The following VPS13D variants were observed in gnomAD, a reference collection of about 807,000 sequenced individuals.
The protein encoded by VPS13D is intermembrane lipid transfer protein VPS13D.
A neutral mutation model predicts 461.9 loss-of-function variants in VPS13D; 187 were observed. That is an observed-to-expected ratio of 0.40 (90% CI 0.36 to 0.46). The LOEUF (loss-of-function observed/expected upper bound fraction) is 0.46. Among genes scored for constraint, VPS13D ranks in the 20% least tolerant of loss-of-function variants. The probability of loss-of-function intolerance (pLI) is 0.60; values close to 1 mark genes in which losing one functional copy is unlikely to be tolerated. For missense variants in VPS13D, 4,711 were observed against 5,364.9 expected, an observed-to-expected ratio of 0.88 and a Z score of 3.81; for synonymous variants, 1,951 against 1,986.3, an observed-to-expected ratio of 0.98 and a Z score of 0.47.
chr1:12,357,001 C>G (rs74827719), intron 49 of VPS13D, among the ~76,000 whole-genome samples: 1 of 152,286 alleles, frequency 6.6e-6, no homozygotes, highest in East Asian at 1.9e-4. Context: ...ATTTTATGGT[C>G]TCAGAGCACT....
At chr1:12,293,493 A>G (rs777366444) in intron 23 of VPS13D, 31 bp from the exon 24 acceptor site, 1 of 1,553,988 alleles carries the variant, frequency 6.4e-7, no homozygotes, top group South Asian at 1.2e-5. Flanking sequence ...TCTTGCTGTT[A>G]TCTGAGTCAC....
chr1:12,281,342 G>T (rs528076955), intron 20 of VPS13D, among the ~76,000 whole-genome samples: 2 of 152,158 alleles, frequency 1.3e-5, no homozygotes, highest in Non-Finnish European at 2.9e-5. Context: ...GTGATACATT[G>T]TGTAGGTCTC....
chr1:12,292,262 C>CAAAAAAAAAAAAAA (rs766212937), intron 23 of VPS13D, among the ~76,000 whole-genome samples: 2 of 12,246 alleles, frequency 1.6e-4, no homozygotes, highest in African/African-American at 3.5e-4. Context: ...AACTCCATCT[C>CAAAAAAAAAAAAAA]AAAAAAAAAA....
chr1:12,388,102 A>T (rs562183958), intron 60 of VPS13D, among the ~76,000 whole-genome samples: 2 of 152,332 alleles, frequency 1.3e-5, no homozygotes, highest in Admixed American at 6.5e-5. Flanking sequence ...TAAGAGTGAG[A>T]TTCTTATCAA....
chr1:12,333,374 G>GA lies in VPS13D; in HGVS notation c.8428+11dup. ...TCACTTCTGTGCTAATTGGTGAGTA[G>GA]AAAGTTGTCTTTCATAGACTGATAC... On this transcript the variant is annotated intron_variant, in intron 38 of 69. Transcript: ENST00000620676. The GA allele has an allele frequency of 6.2e-7, 1 of 1,613,838 alleles. No individual in the cohort carries two copies. The highest frequency in any genetic ancestry group is 1.3e-5 in the African/African-American group (1 of 75,024).
intron 65 of VPS13D, among the ~76,000 whole-genome samples, chr1:12,417,387 G>A (rs146657756): frequency 3.9e-4 from 59 of 152,282 alleles, no homozygotes; most frequent in African/African-American, 1.3e-3. Flanking sequence ...TGTATTTTCT[G>A]GCAGGAATTG....
rs1005357720 is a variant in VPS13D at position 12,372,379 on chromosome 1, T to C, written c.10809-1371T>C. Among the ~76,000 whole-genome samples the C allele has an allele frequency of 3.9e-5, 6 of 152,254 alleles. No homozygotes were observed. In the East Asian group the frequency reaches 9.7e-4, roughly 25 times the overall value. On this transcript the variant is annotated intron_variant, in intron 54 of 69. Transcript: ENST00000620676. ...TGCCAGGCCTGGTTTTGTTTTGTTT[T>C]GTTTTGTTTTAAATGATACCCATCC...
rs140057110 is a variant in VPS13D at position 12,482,233 on chromosome 1, G to C, written c.12663-15267G>C. Reference sequence around the variant, plus strand: ...GGGAGACGAGGCATAGATAGTAATGGTCAACTGATGGCCCTTTACTCTTGA... The same window carrying C: ...GGGAGACGAGGCATAGATAGTAATGCTCAACTGATGGCCCTTTACTCTTGA... On this transcript the variant is annotated intron_variant, in intron 67 of 69. Transcript: ENST00000620676. 2.1e-3 allele frequency among the ~76,000 whole-genome samples: 319 copies of C among 152,278 alleles called. 1 individual carries two copies. Among genetic ancestry groups the C allele is most frequent in the South Asian group, 5.8e-3 (28 of 4,824 alleles).
chr1:12,381,377 C>T (rs1310168730), intron 57 of VPS13D, among the ~76,000 whole-genome samples: 1 of 152,176 alleles, frequency 6.6e-6, no homozygotes, highest in Admixed American at 6.5e-5. Context: ...CACTCTTTGC[C>T]ATTGTCTTCT....
chr1:12,392,292 C>A (rs947146086), intron 60 of VPS13D, among the ~76,000 whole-genome samples: 2 of 151,998 alleles, frequency 1.3e-5, no homozygotes, highest in Non-Finnish European at 2.9e-5. Context: ...AGGAGTTTGG[C>A]CAACATGGTG....
rs374354172 is a variant in VPS13D at position 12,290,017 on chromosome 1, C to A, written c.5726-981C>A. 2.6e-4 allele frequency among the ~76,000 whole-genome samples: 40 copies of A among 152,240 alleles called. 3 individuals are homozygous for A. Among genetic ancestry groups the A allele is most frequent in the Admixed American group, 2.1e-3 (32 of 15,286 alleles). On this transcript the variant is annotated intron_variant, in intron 22 of 69. Coordinates refer to ENST00000620676, the MANE Select transcript of VPS13D (RefSeq NM_015378.4). ...AAATATACCTTAGTAATTGTTTTAT[C>A]ACGATAATTATGATAATAAATTTTG...
At chr1:12,240,841 C>G (rs1301092419) in intron 2 of VPS13D, among the ~76,000 whole-genome samples, 1 of 151,048 alleles carries the variant, frequency 6.6e-6, no homozygotes, top group African/African-American at 2.4e-5. Context: ...GGGGCATGGC[C>G]CATGTGGACA....
At position 12,249,277 on chromosome 1, in the gene VPS13D, C is replaced by T. The variant is rs1640659111; in HGVS notation, c.502C>T (p.His168Tyr). The T allele has an allele frequency of 6.2e-7, 1 of 1,613,950 alleles. No homozygotes were observed. Among genetic ancestry groups the T allele is most frequent in the Non-Finnish European group, 8.5e-7 (1 of 1,179,978 alleles). ...TGAAGATGGTGTCACCAATCCCTCCCATCCTTTTGCTTTTGGCATCTGCAT... is the reference window on the plus strand; with the variant it reads ...TGAAGATGGTGTCACCAATCCCTCCTATCCTTTTGCTTTTGGCATCTGCAT... ...RFEDGVTNPS[H>Y]PFAFGICIKN... Residue 168 changes from histidine to tyrosine, a missense_variant, in exon 6 of 70, where the codon CAT becomes TAT. His to Tyr is a moderately conservative substitution (Grantham distance 83, BLOSUM62 2). Around this residue, in one of 3 missense-constraint regions of VPS13D, gnomAD observed 4,411 missense variants for 4,937.8 expected, o/e 0.89. Transcript: ENST00000620676.
rs1433521195 is a variant in VPS13D, at chr1:12,502,392, G to T, written c.12795-4461G>T. Among the ~76,000 whole-genome samples, 2 of 152,164 alleles carry T rather than the reference G, an allele frequency of 1.3e-5. No homozygotes were observed. The highest frequency in any genetic ancestry group is 2.4e-5 in the African/African-American group (1 of 41,444). On this transcript the variant is annotated intron_variant, in intron 68 of 69. Coordinates refer to ENST00000620676, the MANE Select transcript of VPS13D (RefSeq NM_015378.4). This position sits in a 1 kb window ranked among gnomAD's most constrained non-coding sequence, Gnocchi z 4.3. Reference sequence around the variant, plus strand: ...CGGGCTCCTTGCCTGTCTGGTTGATGAGGCTGGGGGTGCTGAAGAGCAAGG... The same window carrying T: ...CGGGCTCCTTGCCTGTCTGGTTGATTAGGCTGGGGGTGCTGAAGAGCAAGG...
At chr1:12,302,265 A>G (rs933826229) in intron 25 of VPS13D, among the ~76,000 whole-genome samples, 40 of 152,300 alleles carry the variant, frequency 2.6e-4, no homozygotes, top group African/African-American at 9.6e-4. Flanking sequence ...TTTGTGGTAA[A>G]TCTTTACTTT....
rs137965762 is a variant in VPS13D, at chr1:12,276,444, G to C, written c.2856G>C (p.Ser952=). 1.9e-6 allele frequency: 3 copies of C among 1,614,144 alleles called. No homozygotes were observed. Among genetic ancestry groups the C allele is most frequent in the Non-Finnish European group, 2.5e-6 (3 of 1,180,036 alleles). Residue 952 remains serine (S), a synonymous_variant, in exon 19 of 70, where the codon TCG becomes TCC. Transcript: ENST00000620676. The surrounding 1 kb of genome is among the most constrained non-coding windows in gnomAD (Gnocchi z 4.5). ...ATACCCGCGAGGTTCTGGTGGAGTC[G>C]CAGCTCCTCCTGGCGGAATTTAAAG... The part of the protein sequence containing the change: ...EQHTREVLVE[S]QLLLAEFKVN...
intron 65 of VPS13D, among the ~76,000 whole-genome samples, chr1:12,450,095 C>G (rs2100376716): frequency 6.6e-6 from 1 of 152,234 alleles, no homozygotes; most frequent in African/African-American, 2.4e-5. Context: ...TGCACTCCAG[C>G]CTGGGTAACA....
At chr1:12,266,852 G>T (rs765301932) in intron 13 of VPS13D, 29 bp from the exon 14 acceptor site, 39 of 1,516,250 alleles carry the variant, frequency 2.6e-5, no homozygotes, top group Non-Finnish European at 3.5e-5. Context: ...CATAAGCATT[G>T]TATCAACTAT....
chr1:12,368,854 G>T (rs1220557886), intron 53 of VPS13D, among the ~76,000 whole-genome samples: 1 of 152,204 alleles, frequency 6.6e-6, no homozygotes, highest in Non-Finnish European at 1.5e-5. Context: ...TAGAGTGGTT[G>T]GTTGACACTG....
Sources: allele counts gnomAD v4.1 joint callset (sites outside exome capture counted in the v4.1 genomes callset), GRCh38; gene constraint gnomAD v4.1.1; regional missense constraint gnomAD v4.1.1; non-coding constraint Gnocchi (gnomAD v3.1); transcripts MANE v1.5; gene names NCBI Gene and HGNC (gene_info 2026-07-23, HGNC 2026-07-21).